The following EIF2A variants were observed in gnomAD, a reference collection of about 807,000 sequenced individuals.
EIF2A encodes the protein 65 kDa eukaryotic translation initiation factor 2A.
In EIF2A, 62 loss-of-function variants were observed where a neutral mutation model predicts 75.2. The ratio of observed to expected loss-of-function variants is 0.82; its 90% CI spans 0.67 to 1.02. The LOEUF is 1.02. EIF2A is among the 50% of genes least tolerant of loss of function. The pLI, the probability that EIF2A is intolerant of heterozygous loss-of-function variation, is 0.00. For missense variants in EIF2A, 611 were observed against 677.7 expected (o/e 0.90, Z 1.09); for synonymous variants, 207 against 239.0 (o/e 0.87, Z 1.23).
intron 1 of EIF2A, 107 bp from the exon 2 acceptor site, chr3:150,552,249 G>T: frequency 2.4e-6 from 2 of 847,608 alleles, no homozygotes; most frequent in South Asian, 3.3e-5. Flanking sequence ...AATATTTAAT[G>T]ATTTCATTAA....
Position 150,584,655 on chromosome 3 carries a change from GTT to G in EIF2A, c.*746_*747del, listed in dbSNP as rs1384860846. On this transcript the variant is annotated 3_prime_UTR_variant, in exon 14 of 14. Coordinates refer to ENST00000460851, the MANE Select transcript of EIF2A (RefSeq NM_032025.5). ...CCACTTTGATAAAGAGGAAATGATT[GTT>G]TGTTACTGTTATATACATGTATTTT... is the stretch of plus-strand genomic sequence containing the variant. Among the ~76,000 whole-genome samples, 1 of 152,108 alleles carries G rather than the reference GTT, an allele frequency of 6.6e-6. No homozygotes were observed. The highest frequency in any genetic ancestry group is 1.5e-5 in the Non-Finnish European group (1 of 68,004).
intron 1 of EIF2A, among the ~76,000 whole-genome samples, chr3:150,551,592 G>A (rs1723317958): frequency 6.6e-6 from 1 of 151,872 alleles, no homozygotes; most frequent in Non-Finnish European, 1.5e-5. Flanking sequence ...GCCAAGCAGG[G>A]TGGCACATGC....
chr3:150,577,063 T>TG (rs1724914189), intron 11 of EIF2A, among the ~76,000 whole-genome samples: 1 of 152,162 alleles, frequency 6.6e-6, no homozygotes, highest in Non-Finnish European at 1.5e-5. Context: ...TTCTAGAAGC[T>TG]GGGGCGCTGG....
At chr3:150,565,847 G>A (rs1344520847) in intron 6 of EIF2A, 1 of 142,122 alleles carries the variant, frequency 7.0e-6, no homozygotes, top group African/African-American at 2.6e-5. Flanking sequence ...CCGGGCTGGA[G>A]TGCAATGGTG....
intron 11 of EIF2A, among the ~76,000 whole-genome samples, chr3:150,576,255 TAGTG>T (rs767601368): frequency 2.0e-5 from 3 of 151,974 alleles, no homozygotes; most frequent in Non-Finnish European, 4.4e-5. Context: ...CTGGGCAACA[TAGTG>T]AGACCCCCAT....
chr3:150,584,120 G>A lies in EIF2A; in HGVS notation c.*209G>A, dbSNP rs532894305. ...CTTGCATCCTATATCATGTCAATAT[G>A]TGATATAGAAAAGAGATACGTGAAT... On this transcript the variant is annotated 3_prime_UTR_variant, in exon 14 of 14. Coordinates refer to ENST00000460851, the MANE Select transcript of EIF2A (RefSeq NM_032025.5). 2.2e-5 allele frequency: 10 copies of A among 455,170 alleles called. No individual in the cohort carries two copies. Among genetic ancestry groups the A allele is most frequent in the Non-Finnish European group, 3.8e-5 (10 of 262,204 alleles). The allele number at this position is 455,170 out of a possible 1,614,324, so 28.2% of individuals were successfully genotyped here.
Position 150,583,930 on chromosome 3 carries a change from T to C in EIF2A, c.*19T>C, listed in dbSNP as rs1424015383. The C allele has an allele frequency of 5.0e-6, 8 of 1,612,848 alleles. No individual in the cohort carries two copies. Among genetic ancestry groups the C allele is most frequent in the Admixed American group, 1.7e-5 (1 of 59,978 alleles). ...TATTTAAAGATTCACGGAAAGCAAG[T>C]TGATGACCAGAAATCAGTGCAAACA... is the stretch of plus-strand genomic sequence containing the variant. On this transcript the variant is annotated 3_prime_UTR_variant, in exon 14 of 14. Coordinates refer to ENST00000460851, the MANE Select transcript of EIF2A (RefSeq NM_032025.5).
chr3:150,581,870 T>G (rs1435304388), intron 12 of EIF2A, 124 bp downstream of exon 12: 2 of 1,155,406 alleles, frequency 1.7e-6, no homozygotes, highest in African/African-American at 3.1e-5. Flanking sequence ...CTCATTGTTG[T>G]TTTCTCACTA....
At chr3:150,580,364 A>G (rs1296805357) in intron 11 of EIF2A, among the ~76,000 whole-genome samples, 1 of 152,182 alleles carries the variant, frequency 6.6e-6, no homozygotes, top group African/African-American at 2.4e-5. Context: ...ATTAACAGTA[A>G]CTCATAAGAA....
At chr3:150,547,000 A>G (rs2107891377) in intron 1 of EIF2A, 170 bp downstream of exon 1, 1 of 794,738 alleles carries the variant, frequency 1.3e-6, no homozygotes, top group East Asian at 2.7e-5. Context: ...TCGGAAGTGA[A>G]GTCTCCGCCT....
At chr3:150,576,411 C>T (rs1553745065) in intron 11 of EIF2A, among the ~76,000 whole-genome samples, 1 of 151,816 alleles carries the variant, frequency 6.6e-6, no homozygotes, top group Middle Eastern at 3.4e-3. Flanking sequence ...GCCTGAGTAA[C>T]AGAGCAAGAC....
intron 11 of EIF2A, 70 bp from the exon 12 acceptor site, chr3:150,581,548 A>G: frequency 6.7e-7 from 1 of 1,502,090 alleles, no homozygotes; most frequent in Non-Finnish European, 8.9e-7. Flanking sequence ...CATATGCCAA[A>G]GCTATGTTGA....
At chr3:150,549,249 G>A (rs1196957005) in intron 1 of EIF2A, among the ~76,000 whole-genome samples, 2 of 134,052 alleles carry the variant, frequency 1.5e-5, no homozygotes, top group African/African-American at 2.8e-5. Flanking sequence ...AGATAGTTTC[G>A]CTCTTGTTGC....
intron 3 of EIF2A, among the ~76,000 whole-genome samples, chr3:150,560,824 A>G (rs1356793802): frequency 1.3e-5 from 2 of 150,188 alleles, no homozygotes; most frequent in East Asian, 3.9e-4. Context: ...CAATAGTATG[A>G]TCTTGAGCAA....
In EIF2A at chr3:150,581,700, T is replaced by C. The variant is rs1042024171; in HGVS notation, c.1580T>C (p.Ile527Thr). Residue 527 changes from isoleucine (I) to threonine (T), a missense_variant, in exon 12 of 14, where the codon ATT becomes ACT. Transcript: ENST00000460851. ...CCACGAAACACTGTCTCTCAGTCAA[T>C]TTCTGGGGACCCTGAGATAGACAAA... ...STPRNTVSQS[I>T]SGDPEIDKKI... is the part of the protein sequence containing the mutation. 1.9e-6 allele frequency: 3 copies of C among 1,554,670 alleles called. No individual in the cohort carries two copies. In the African/African-American group the frequency reaches 4.1e-5, roughly 21 times the overall value.
At chr3:150,559,694 T>G (rs963346953) in intron 3 of EIF2A, among the ~76,000 whole-genome samples, 9 of 152,122 alleles carry the variant, frequency 5.9e-5, no homozygotes. Context: ...TTTCACCATG[T>G]TGGTCAGGCT....
At chr3:150,546,956 C>T in intron 1 of EIF2A, 126 bp downstream of exon 1, 1 of 1,348,158 alleles carries the variant, frequency 7.4e-7, no homozygotes, top group Non-Finnish European at 1.0e-6. Flanking sequence ...TGCGGAAAGG[C>T]CAGACTGTTG....
intron 11 of EIF2A, among the ~76,000 whole-genome samples, chr3:150,580,479 G>A (rs55723846): frequency 0.15 from 22,517 of 152,010 alleles, 1,678 homozygotes; most frequent in Non-Finnish European, 0.16. Flanking sequence ...ATGTGAGATG[G>A]TACAATGCTT....
rs114798473 is a variant in EIF2A at position 150,568,883 on chromosome 3, C to T, written c.811+591C>T. 9.5e-3 allele frequency among the ~76,000 whole-genome samples: 1,450 copies of T among 152,280 alleles called. 22 individuals are homozygous for T. The highest frequency in any genetic ancestry group is 0.034 in the African/African-American group (1,404 of 41,564). ...AGTGAGCTATGATCATGTCACTGTA[C>T]TTCAGCCTGGGTGAAAGAGCGAGAC... On this transcript the variant is annotated intron_variant, in intron 9 of 13. Coordinates refer to ENST00000460851, the MANE Select transcript of EIF2A (RefSeq NM_032025.5).
Sources: allele counts gnomAD v4.1 joint callset (sites outside exome capture counted in the v4.1 genomes callset), GRCh38; gene constraint gnomAD v4.1.1; transcripts MANE v1.5; gene names NCBI Gene and HGNC (gene_info 2026-07-23, HGNC 2026-07-21).